HCFC2: variants seen among roughly 807,000 people sequenced by gnomAD.
The protein encoded by HCFC2 is host cell factor C2, also known as host cell factor 2.
A neutral mutation model predicts 89.2 loss-of-function variants in HCFC2; 18 were observed. That is an observed-to-expected ratio of 0.20 (90% CI 0.14 to 0.30). The LOEUF is 0.30. Ranked by LOEUF, HCFC2 falls within the 10% of genes least tolerant of loss-of-function variation. The pLI, the probability that HCFC2 is intolerant of heterozygous loss-of-function variation, is 1.00. For missense variants in HCFC2, 578 were observed against 956.1 expected (o/e 0.60, Z 5.21); for synonymous variants, 308 against 335.7 (o/e 0.92, Z 0.90).
intron 5 of HCFC2, among the ~76,000 whole-genome samples, chr12:104,082,016 A>G (rs1348807531): frequency 6.6e-6 from 1 of 152,106 alleles, no homozygotes; most frequent in East Asian, 1.9e-4. Flanking sequence ...CTCTTCCAGC[A>G]GCCATCAGGC....
intron 3 of HCFC2, among the ~76,000 whole-genome samples, chr12:104,070,627 A>C (rs1186009307): frequency 6.6e-6 from 1 of 152,202 alleles, no homozygotes; most frequent in African/African-American, 2.4e-5. Context: ...CATATAATAC[A>C]GTAGAGTTAT....
chr12:104,067,923 T>A, intron 2 of HCFC2, 24 bp from the exon 3 acceptor site: 1 of 1,569,236 alleles, frequency 6.4e-7, no homozygotes, highest in Non-Finnish European at 8.6e-7. Flanking sequence ...TGTCTGACTG[T>A]ATTTGTGCCC....
Position 104,068,435 on chromosome 12 carries a change from C to T in HCFC2, c.473+328C>T, listed in dbSNP as rs1271820097. Among the ~76,000 whole-genome samples the T allele has an allele frequency of 6.6e-6, 1 of 152,072 alleles. No homozygotes were observed. The highest frequency in any genetic ancestry group is 2.4e-5 in the African/African-American group (1 of 41,408). ...GAGCCATAATGCATTTTAGCTGCCT[C>T]ATAAATGATAATGAAAAGTAACAGA... On this transcript the variant is annotated intron_variant, in intron 3 of 14. Transcript: ENST00000229330. The surrounding 1 kb of genome is among the most constrained non-coding windows in gnomAD (Gnocchi z 4.1).
chr12:104,086,798 C>T (rs1883863777), intron 7 of HCFC2, 49 bp from the exon 8 acceptor site: 1 of 1,536,684 alleles, frequency 6.5e-7, no homozygotes, highest in Admixed American at 1.7e-5. Context: ...ATCAGCAAAC[C>T]ATTTATACAC....
intron 9 of HCFC2, among the ~76,000 whole-genome samples, chr12:104,092,993 C>A (rs368494895): frequency 6.6e-6 from 1 of 151,930 alleles, no homozygotes; most frequent in Non-Finnish European, 1.5e-5. Context: ...TGAGATTTTA[C>A]TTTTGTAGTT....
At chr12:104,073,674 G>A (rs1883409674) in intron 3 of HCFC2, among the ~76,000 whole-genome samples, 2 of 152,136 alleles carry the variant, frequency 1.3e-5, no homozygotes, top group Admixed American at 1.3e-4. Flanking sequence ...TGTGACTAGT[G>A]TAAGGCTTTT....
intron 3 of HCFC2, among the ~76,000 whole-genome samples, chr12:104,078,536 A>G (rs1380862440): frequency 6.6e-6 from 1 of 152,224 alleles, no homozygotes; most frequent in Non-Finnish European, 1.5e-5. Flanking sequence ...TTAAAAAGCT[A>G]TGTAGGACAT....
At chr12:104,080,663 T>A (rs1409206877) in intron 4 of HCFC2, 83 bp from the exon 5 acceptor site, 1 of 777,876 alleles carries the variant, frequency 1.3e-6, no homozygotes, top group Non-Finnish European at 2.1e-6. Context: ...GGTAAGTCCT[T>A]GTTTTATTTT....
intron 9 of HCFC2, among the ~76,000 whole-genome samples, chr12:104,089,675 C>T (rs1377279077): frequency 2.0e-5 from 3 of 152,180 alleles, no homozygotes; most frequent in East Asian, 1.9e-4. Flanking sequence ...CCTGTTCCCA[C>T]ATCCTTCACA....
chr12:104,098,304 A>T, intron 12 of HCFC2, 39 bp from the exon 13 acceptor site: 3 of 1,557,360 alleles, frequency 1.9e-6, no homozygotes, highest in Non-Finnish European at 2.6e-6. Context: ...TCGTATATTC[A>T]ATAAGAGTCT....
rs2030054499 is a variant in HCFC2 at position 104,105,255 on chromosome 12, A to G, written c.*1982A>G. On this transcript the variant is annotated 3_prime_UTR_variant, in exon 15 of 15. Coordinates refer to ENST00000229330, the MANE Select transcript of HCFC2 (RefSeq NM_013320.3). The stretch of plus-strand genomic sequence containing the variant: ...TATGTTTCAAGCCCAGTTATTTTAA[A>G]GATCTATTGCTTTAATAGAAAAAGT... 1 of 152,102 alleles carries G rather than the reference A, an allele frequency of 6.6e-6. No individual in the cohort carries two copies. The allele number at this position is 152,102 out of a possible 1,614,324, so 9.4% of individuals were successfully genotyped here.
chr12:104,087,010 G>A lies in HCFC2; in HGVS notation c.1227G>A (p.Met409Ile), dbSNP rs771555154. ...ASSDSSAAPN[M>I]QGVRMDPHRQ... Reference sequence around the variant, plus strand: ...CAGATTCTTCAGCAGCACCAAATATGCAAGGTAACATAATTTTCATGCTTA... The same window carrying A: ...CAGATTCTTCAGCAGCACCAAATATACAAGGTAACATAATTTTCATGCTTA... The change falls in exon 8 of 15, where the codon ATG becomes ATA. Residue 409 changes from methionine (M) to isoleucine (I), a missense_variant. Coordinates refer to ENST00000229330, the MANE Select transcript of HCFC2 (RefSeq NM_013320.3). 14 of 1,613,148 alleles carry A rather than the reference G, an allele frequency of 8.7e-6. No individual in the cohort carries two copies. The East Asian group carries it at 3.1e-4, about 36-fold the overall frequency.
At chr12:104,070,653 C>A (rs1324688844) in intron 3 of HCFC2, among the ~76,000 whole-genome samples, 1 of 152,098 alleles carries the variant, frequency 6.6e-6, no homozygotes, top group African/African-American at 2.4e-5. Flanking sequence ...ATTATGATGT[C>A]TTTTTACCTG....
At chr12:104,066,044 T>C (rs1229908552) in intron 1 of HCFC2, 123 bp from the exon 2 acceptor site, 19 of 930,982 alleles carry the variant, frequency 2.0e-5, no homozygotes, top group Non-Finnish European at 2.8e-5. Flanking sequence ...CATTACCAAA[T>C]GTCTTCTGGG....
chr12:104,064,606 A>G lies in HCFC2; in HGVS notation c.46A>G (p.Thr16Ala). ...LLNWRRVSSFTGPVPRARHGH... is the reference protein window; with the variant it reads ...LLNWRRVSSFAGPVPRARHGH... The stretch of plus-strand genomic sequence containing the variant: ...CAACTGGAGGCGAGTTTCTTCCTTC[A>G]CGGGGCCGGTCCCCCGCGCCCGGCA... Residue 16 changes from threonine (T) to alanine (A), a missense_variant, in exon 1 of 15, where the codon ACG (threonine) becomes GCG (alanine). Thr to Ala is a moderately conservative substitution (Grantham distance 58). Around this residue, in one of 4 missense-constraint regions of HCFC2, gnomAD observed 22 missense variants for 18.7 expected, o/e 1.18. Coordinates refer to ENST00000229330, the MANE Select transcript of HCFC2 (RefSeq NM_013320.3). This position sits in a 1 kb window ranked among gnomAD's most constrained non-coding sequence, Gnocchi z 7.3. The G allele has an allele frequency of 6.4e-7, 1 of 1,574,434 alleles. No individual in the cohort carries two copies. The highest frequency in any genetic ancestry group is 8.6e-7 in the Non-Finnish European group (1 of 1,162,808).
chr12:104,066,962 A>G (rs764374277), intron 2 of HCFC2, among the ~76,000 whole-genome samples: 2 of 152,098 alleles, frequency 1.3e-5, no homozygotes, highest in Non-Finnish European at 2.9e-5. Flanking sequence ...TAATTTTTGT[A>G]TTTTTAGTAG....
At chr12:104,101,036 A>C (rs2029921055) in intron 13 of HCFC2, among the ~76,000 whole-genome samples, 1 of 151,906 alleles carries the variant, frequency 6.6e-6, no homozygotes, top group African/African-American at 2.4e-5. Context: ...GCTCCCTTAA[A>C]GTACGAGAAC....
intron 3 of HCFC2, among the ~76,000 whole-genome samples, chr12:104,071,576 C>CTTT (rs1566225366): frequency 6.6e-6 from 1 of 150,990 alleles, no homozygotes; most frequent in African/African-American, 2.5e-5. Flanking sequence ...ACAGACCTAA[C>CTTT]TATTTTATTT....
intron 9 of HCFC2, 100 bp from the exon 10 acceptor site, chr12:104,093,286 T>C (rs1884077790): frequency 1.4e-6 from 1 of 728,686 alleles, no homozygotes; most frequent in South Asian, 2.6e-5. Context: ...TCTATTTTGA[T>C]AAAAAGTATT....
Sources: allele counts gnomAD v4.1 joint callset (sites outside exome capture counted in the v4.1 genomes callset), GRCh38; gene constraint gnomAD v4.1.1; regional missense constraint gnomAD v4.1.1; non-coding constraint Gnocchi (gnomAD v3.1); transcripts MANE v1.5; gene names NCBI Gene and HGNC (gene_info 2026-07-23, HGNC 2026-07-21).